SYCE2: variants seen among roughly 807,000 people sequenced by gnomAD.
The protein encoded by SYCE2 is synaptonemal complex central element protein 2.
SYCE2 carries 3 observed loss-of-function variants against 27.9 expected under a neutral mutation model. That is an observed-to-expected ratio of 0.11 (90% confidence interval 0.05 to 0.28). The LOEUF (loss-of-function observed/expected upper bound fraction) is 0.28. Ranked by LOEUF, SYCE2 falls within the 10% of genes least tolerant of loss-of-function variation. SYCE2 has a pLI of 1.00. For synonymous variants in SYCE2, 85 were observed against 100.7 expected (o/e 0.84, Z 0.93); for missense variants, 207 against 263.5 (o/e 0.79, Z 1.48).
chr19:12,907,711 A>C (rs975568592), intron 2 of SYCE2, among the ~76,000 whole-genome samples: 9 of 152,172 alleles, frequency 5.9e-5, no homozygotes, highest in Non-Finnish European at 1.2e-4. Flanking sequence ...GGATCGCTTG[A>C]ACCTGGGAGG....
chr19:12,904,829 C>T (rs1343583931), intron 2 of SYCE2, 163 bp from the exon 3 acceptor site: 2 of 755,716 alleles, frequency 2.6e-6, no homozygotes, highest in South Asian at 3.7e-5. Flanking sequence ...GAAACCTCGT[C>T]TCTAGTAAAA....
chr19:12,900,926 T>C (rs1481556568), intron 3 of SYCE2, among the ~76,000 whole-genome samples: 1 of 152,072 alleles, frequency 6.6e-6, no homozygotes, highest in Non-Finnish European at 1.5e-5. Flanking sequence ...ACGCCTGTAA[T>C]CCTAACACTT....
chr19:12,900,541 C>A lies in SYCE2; in HGVS notation c.414G>T (p.Lys138Asn). ...TGAGCTCTGTCTCCAAATGGCTGAT[C>A]TTTGCCATTTTCTGGGTGAACTCTT... ...KLQEFTQKMA[K>N]ISHLETELKQ... The change falls in exon 4 of 6, where the codon AAG (lysine) becomes AAT (asparagine). Residue 138 changes from lysine to asparagine, a missense_variant. Transcript: ENST00000293695. The A allele has an allele frequency of 6.2e-7, 1 of 1,614,184 alleles. No individual in the cohort carries two copies. Among genetic ancestry groups the A allele is most frequent in the South Asian group, 1.1e-5 (1 of 91,088 alleles).
At chr19:12,914,575 C>T (rs1971105121) in intron 2 of SYCE2, among the ~76,000 whole-genome samples, 1 of 149,312 alleles carries the variant, frequency 6.7e-6, no homozygotes, top group East Asian at 2.0e-4. Context: ...CACACATTCT[C>T]CCTCCCAACC....
intron 2 of SYCE2, among the ~76,000 whole-genome samples, chr19:12,907,777 C>T (rs908206924): frequency 3.3e-5 from 5 of 151,130 alleles, no homozygotes; most frequent in African/African-American, 9.7e-5. Flanking sequence ...GGCAACAGAG[C>T]GAGACTCCAT....
chr19:12,900,339 G>T, intron 4 of SYCE2, 121 bp downstream of exon 4: 2 of 1,184,608 alleles, frequency 1.7e-6, no homozygotes, highest in Middle Eastern at 2.9e-4. Flanking sequence ...CAAGGGCTTT[G>T]CAGGGACTGT....
At chr19:12,917,738 C>T (rs1971162974) in intron 2 of SYCE2, among the ~76,000 whole-genome samples, 1 of 144,448 alleles carries the variant, frequency 6.9e-6, no homozygotes, top group Non-Finnish European at 1.5e-5. Flanking sequence ...CAGCTCACTG[C>T]AACCTCCACC....
chr19:12,919,235 C>G lies in SYCE2; in HGVS notation c.15+8G>C. ...CCCACGCGCGAGAAGGAAACAAGCG[C>G]CGCGTACTCCCTGTCGCTCCATTCC... On this transcript the variant is annotated splice_region_variant and intron_variant, in intron 1 of 5. Coordinates refer to ENST00000293695, the MANE Select transcript of SYCE2 (RefSeq NM_001105578.2). The G allele has an allele frequency of 6.2e-7, 1 of 1,611,288 alleles. No homozygotes were observed.
chr19:12,914,795 G>C (rs1405761952), intron 2 of SYCE2, among the ~76,000 whole-genome samples: 2 of 152,154 alleles, frequency 1.3e-5, no homozygotes, highest in African/African-American at 4.8e-5. Context: ...TTTTAGTAGA[G>C]ACGGGGTTTT....
intron 5 of SYCE2, 134 bp downstream of exon 5, chr19:12,899,870 G>A: frequency 6.3e-7 from 1 of 1,590,434 alleles, no homozygotes; most frequent in Non-Finnish European, 8.6e-7. Context: ...CTCACACTGA[G>A]TTCACAGTGC....
chr19:12,908,366 C>T (rs1015788777), intron 2 of SYCE2, among the ~76,000 whole-genome samples: 3 of 150,532 alleles, frequency 2.0e-5, no homozygotes, highest in Admixed American at 6.7e-5. Context: ...GCTCTGTCAC[C>T]GAGGCTGGAG....
At chr19:12,909,025 T>C (rs544164743) in intron 2 of SYCE2, among the ~76,000 whole-genome samples, 1 of 152,304 alleles carries the variant, frequency 6.6e-6, no homozygotes, top group African/African-American at 2.4e-5. Flanking sequence ...ACAGTCCCCT[T>C]TCCCACCTAC....
intron 1 of SYCE2, among the ~76,000 whole-genome samples, chr19:12,918,946 G>A (rs1364342233): frequency 2.0e-5 from 2 of 100,810 alleles, no homozygotes; most frequent in African/African-American, 3.8e-5. Flanking sequence ...GTGATACTTC[G>A]TCTCAAAAAA....
At chr19:12,917,936 G>A (rs1971166137) in intron 2 of SYCE2, among the ~76,000 whole-genome samples, 1 of 152,128 alleles carries the variant, frequency 6.6e-6, no homozygotes, top group Non-Finnish European at 1.5e-5. Flanking sequence ...TGGGATTACA[G>A]GTGTGAACCA....
intron 2 of SYCE2, among the ~76,000 whole-genome samples, chr19:12,911,425 G>C (rs903683460): frequency 6.6e-6 from 1 of 151,860 alleles, no homozygotes; most frequent in South Asian, 2.1e-4. Context: ...AGCCTTAATG[G>C]GTTTTTTTCT....
intron 2 of SYCE2, among the ~76,000 whole-genome samples, chr19:12,908,997 G>A (rs1385965368): frequency 6.6e-6 from 1 of 152,100 alleles, no homozygotes; most frequent in Non-Finnish European, 1.5e-5. Context: ...ATTCATTCCC[G>A]TAGCATGGGA....
At chr19:12,919,103 C>T (rs561598903) in intron 1 of SYCE2, 140 bp downstream of exon 1, 5 of 1,118,302 alleles carry the variant, frequency 4.5e-6, no homozygotes, top group Non-Finnish European at 6.6e-6. Context: ...AAATTTGAGG[C>T]CAGGCCTGAT....
intron 2 of SYCE2, among the ~76,000 whole-genome samples, chr19:12,911,462 AG>A (rs1394640626): frequency 6.6e-6 from 1 of 151,416 alleles, no homozygotes; most frequent in African/African-American, 2.4e-5. Context: ...TTTTTTGAGA[AG>A]GGGTCTCACT....
rs533486438 is a variant in SYCE2, at chr19:12,910,482, C to T, written c.132-5816G>A. 5.3e-5 allele frequency among the ~76,000 whole-genome samples: 8 copies of T among 152,008 alleles called. No individual in the cohort carries two copies. In the East Asian group the frequency reaches 1.5e-3, roughly 29 times the overall value. On this transcript the variant is annotated intron_variant, in intron 2 of 5. Coordinates refer to ENST00000293695, the MANE Select transcript of SYCE2 (RefSeq NM_001105578.2). ...CCACCTCCTGGGCTCGAGTCATTCTCGTGCCCCAGCCTCCTGAGTAGCTGG... is the reference window on the plus strand; with the variant it reads ...CCACCTCCTGGGCTCGAGTCATTCTTGTGCCCCAGCCTCCTGAGTAGCTGG...
Sources: allele counts gnomAD v4.1 joint callset (sites outside exome capture counted in the v4.1 genomes callset), GRCh38; gene constraint gnomAD v4.1.1; transcripts MANE v1.5; gene names NCBI Gene and HGNC (gene_info 2026-07-23, HGNC 2026-07-21).